Variants in DOCK7 observed in about 807,000 individuals in gnomAD.
The protein encoded by DOCK7 is dedicator of cytokinesis 7, also known as dedicator of cytokinesis protein 7.
DOCK7 carries 138 observed loss-of-function variants against 271.0 expected under a neutral mutation model. That is an observed-to-expected ratio of 0.51 (90% CI 0.44 to 0.59). The LOEUF (loss-of-function observed/expected upper bound fraction) is 0.59, where lower values mean the gene tolerates loss of function less well. DOCK7 is among the 20% of genes least tolerant of loss of function. The pLI is 0.00. For missense variants in DOCK7, 2,066 were observed against 2,592.4 expected (o/e 0.80, Z 4.41); for synonymous variants, 823 against 876.1 (o/e 0.94, Z 1.07).
chr1:62,547,134 CTT>C (rs1193075537), intron 22 of DOCK7, among the ~76,000 whole-genome samples: 11 of 152,114 alleles, frequency 7.2e-5, no homozygotes, highest in African/African-American at 9.7e-5. Context: ...AAAAAAATCT[CTT>C]TGTGCTATGA....
intron 1 of DOCK7, among the ~76,000 whole-genome samples, chr1:62,679,028 C>A (rs187127845): frequency 6.6e-6 from 1 of 151,990 alleles, no homozygotes; most frequent in South Asian, 2.1e-4. Context: ...ACTATGTACC[C>A]ACAAATATTA....
intron 21 of DOCK7, among the ~76,000 whole-genome samples, chr1:62,555,503 G>A (rs1571528484): frequency 6.6e-6 from 1 of 151,974 alleles, no homozygotes; most frequent in Non-Finnish European, 1.5e-5. Flanking sequence ...GGGATTACAG[G>A]GGCAAGCAAT....
At chr1:62,487,460 A>C (rs200461987) in intron 42 of DOCK7, 48 bp from the exon 43 acceptor site, 773 of 1,565,820 alleles carry the variant, frequency 4.9e-4, no homozygotes, top group Non-Finnish European at 6.3e-4. Flanking sequence ...AAACTGTTTG[A>C]AAGAACAAAA....
intron 25 of DOCK7, 22 bp downstream of exon 25, chr1:62,542,585 GA>G (rs760353152): frequency 6.3e-7 from 1 of 1,591,090 alleles, no homozygotes; most frequent in Non-Finnish European, 8.5e-7. Flanking sequence ...AAATATTAAA[GA>G]ACATGCTCAG....
chr1:62,527,874 T>TAAAAAAAAAAAAAAAAAAAAAAAAAAAA (rs34335688), intron 31 of DOCK7, among the ~76,000 whole-genome samples: 1 of 135,566 alleles, frequency 7.4e-6, no homozygotes, highest in Non-Finnish European at 1.6e-5. Context: ...ACTTAAAGTA[T>TAAAAAAAAAAAAAAAAAAAAAAAAAAAA]AAAAAAAAAA....
intron 8 of DOCK7, among the ~76,000 whole-genome samples, chr1:62,635,842 T>C (rs1344005071): frequency 6.6e-6 from 1 of 152,082 alleles, no homozygotes; most frequent in East Asian, 1.9e-4. Flanking sequence ...CTTGAACTCC[T>C]GGCCTCAAGC....
Position 62,479,392 on chromosome 1 carries a change from A to ATT in DOCK7, c.5509-1569_5509-1568dup, listed in dbSNP as rs1158894811. Among the ~76,000 whole-genome samples the ATT allele has an allele frequency of 2.6e-5, 4 of 152,286 alleles. No homozygotes were observed. The East Asian group carries it at 5.8e-4, about 22-fold the overall frequency. ...AAGTTGAGGCTTCTAATTTAAAAAC[A>ATT]TTTTTTCAGTTACTTTATTTCAAAA... On this transcript the variant is annotated intron_variant, in intron 43 of 49. Coordinates refer to ENST00000635253, the MANE Select transcript of DOCK7 (RefSeq NM_001367561.1).
chr1:62,572,325 G>A (rs999645892), intron 18 of DOCK7, among the ~76,000 whole-genome samples: 11 of 152,244 alleles, frequency 7.2e-5, no homozygotes, highest in Non-Finnish European at 4.4e-5. Flanking sequence ...AAACACTTCC[G>A]TAGCACTTTC....
chr1:62,687,197 T>C (rs1247023119), intron 1 of DOCK7, among the ~76,000 whole-genome samples: 1 of 152,202 alleles, frequency 6.6e-6, no homozygotes, highest in Non-Finnish European at 1.5e-5. Context: ...GACATCATAA[T>C]TCACACAAAT....
At chr1:62,478,092 A>G in intron 43 of DOCK7, 1 of 326,670 alleles carries the variant, frequency 3.1e-6, no homozygotes, top group Non-Finnish European at 5.5e-6. Context: ...AAGTGCCTCT[A>G]TCACATTGGT....
chr1:62,553,429 G>C (rs1452689729), intron 21 of DOCK7, among the ~76,000 whole-genome samples: 3 of 129,396 alleles, frequency 2.3e-5, no homozygotes, highest in Non-Finnish European at 4.6e-5. Flanking sequence ...GGCAGCACTG[G>C]AGTGCAGCAG....
intron 6 of DOCK7, 101 bp from the exon 7 acceptor site, chr1:62,647,877 A>C (rs1656868772): frequency 5.3e-6 from 5 of 935,806 alleles, no homozygotes; most frequent in South Asian, 3.2e-5. Flanking sequence ...TTTAGTCTTC[A>C]CAATAGAACA....
intron 35 of DOCK7, among the ~76,000 whole-genome samples, chr1:62,506,353 T>C (rs1646935887): frequency 6.6e-6 from 1 of 152,220 alleles, no homozygotes; most frequent in Non-Finnish European, 1.5e-5. Context: ...TTCTTTTCAC[T>C]GAATGAAATA....
intron 43 of DOCK7, chr1:62,482,133 T>A (rs1453569512): frequency 6.6e-6 from 1 of 152,248 alleles, no homozygotes; most frequent in African/African-American, 2.4e-5. Context: ...ATAACAACTT[T>A]CAACATTTTT....
At chr1:62,639,644 T>A (rs922632667) in intron 7 of DOCK7, among the ~76,000 whole-genome samples, 4 of 151,874 alleles carry the variant, frequency 2.6e-5, no homozygotes, top group African/African-American at 9.7e-5. Flanking sequence ...TTAGCCAGGA[T>A]GGTCTTGATC....
At position 62,538,096 on chromosome 1, in the gene DOCK7, T is replaced by C. The variant is rs374635257; in HGVS notation, c.3301-35A>G. 998 of 1,585,712 alleles carry C rather than the reference T, an allele frequency of 6.3e-4. 2 individuals are homozygous for C. Among genetic ancestry groups the C allele is most frequent in the Non-Finnish European group, 7.3e-4 (851 of 1,162,354 alleles). The stretch of plus-strand genomic sequence containing the variant: ...AATGCATAAGTAAGAGAACACCAAT[T>C]GAATCTATTATTTCTTTAATACTAA... On this transcript the variant is annotated intron_variant, in intron 27 of 49. Coordinates refer to ENST00000635253, the MANE Select transcript of DOCK7 (RefSeq NM_001367561.1).
intron 48 of DOCK7, among the ~76,000 whole-genome samples, chr1:62,473,387 T>A (rs1387590726): frequency 6.6e-6 from 1 of 152,156 alleles, no homozygotes; most frequent in Non-Finnish European, 1.5e-5. Flanking sequence ...TAGTAGCTTT[T>A]AAATTAAATG....
chr1:62,566,829 G>T (rs1054512709), intron 18 of DOCK7, among the ~76,000 whole-genome samples: 1 of 152,008 alleles, frequency 6.6e-6, no homozygotes, highest in African/African-American at 2.4e-5. Flanking sequence ...GAACTACAAA[G>T]AACTTAAATA....
intron 31 of DOCK7, among the ~76,000 whole-genome samples, chr1:62,516,207 A>C (rs1271046946): frequency 1.3e-5 from 2 of 152,250 alleles, no homozygotes; most frequent in African/African-American, 4.8e-5. Flanking sequence ...ACCATAAAAA[A>C]GATGGTCACA....
Sources: allele counts gnomAD v4.1 joint callset (sites outside exome capture counted in the v4.1 genomes callset), GRCh38; gene constraint gnomAD v4.1.1; transcripts MANE v1.5; gene names NCBI Gene and HGNC (gene_info 2026-07-23, HGNC 2026-07-21).